The following TMSB15B variants were observed in gnomAD, a reference collection of about 807,000 sequenced individuals.
TMSB15B encodes the protein thymosin beta-15B.
At position 103,925,849 on chromosome X, in the gene TMSB15B, C is replaced by T. The variant is rs568496823; in HGVS notation, c.-721+6557C>T. On this transcript the variant is annotated intron_variant, in intron 1 of 3. Transcript: ENST00000419165. ...GCAGGGAGGAAGTGGAACATTATTG[C>T]GCTCTGAGGTAGAAGAGGGAACAAA... 2.7e-4 allele frequency among the ~76,000 whole-genome samples: 30 copies of T among 111,994 alleles called. No homozygotes were observed. The South Asian group carries it at 8.4e-3, about 31-fold the overall frequency.
At chrX:103,953,384 C>A (rs2075043651) in intron 1 of TMSB15B, among the ~76,000 whole-genome samples, 1 of 112,297 alleles carries the variant, frequency 8.9e-6, no homozygotes, top group Non-Finnish European at 1.9e-5. Context: ...GGATGTTAGA[C>A]CCCTGTACCT....
chrX:103,924,322 C>T (rs1489903568), intron 1 of TMSB15B, among the ~76,000 whole-genome samples: 1 of 111,385 alleles, frequency 9.0e-6, no homozygotes, highest in Admixed American at 9.5e-5. Context: ...GCCTATGTGC[C>T]TTAGGCTACT....
chrX:103,926,691 C>CA (rs1864294719), intron 1 of TMSB15B, among the ~76,000 whole-genome samples: 2 of 110,724 alleles, frequency 1.8e-5, no homozygotes, highest in Admixed American at 1.9e-4. Context: ...TCTACTCCTC[C>CA]ATGGGGACCT....
At chrX:103,942,949 A>T (rs2075016254) in intron 1 of TMSB15B, among the ~76,000 whole-genome samples, 1 of 111,840 alleles carries the variant, frequency 8.9e-6, no homozygotes, top group Admixed American at 9.5e-5. Context: ...TGACATATTC[A>T]GTATAACATA....
chrX:103,925,028 G>C (rs1301488712), intron 1 of TMSB15B, among the ~76,000 whole-genome samples: 2 of 112,278 alleles, frequency 1.8e-5, no homozygotes, highest in African/African-American at 6.5e-5. Flanking sequence ...GCTGTCCTGA[G>C]AGTGTCTGGA....
chrX:103,929,569 C>T (rs1419075126), intron 1 of TMSB15B, among the ~76,000 whole-genome samples: 4 of 111,795 alleles, frequency 3.6e-5, no homozygotes, highest in African/African-American at 6.5e-5. Context: ...GCTGGAAATC[C>T]TAAATTAGGC....
chrX:103,927,689 A>G (rs2074972522), intron 1 of TMSB15B, among the ~76,000 whole-genome samples: 1 of 104,787 alleles, frequency 9.5e-6, no homozygotes, highest in African/African-American at 3.5e-5. Flanking sequence ...TTGAAACAGA[A>G]TAGCAACTTA....
At chrX:103,931,673 G>A (rs1487602167) in intron 1 of TMSB15B, 2 of 112,310 alleles carry the variant, frequency 1.8e-5, no homozygotes, top group Non-Finnish European at 3.8e-5. Flanking sequence ...TTTGCTCTTC[G>A]ATCCTGTTTC....
At chrX:103,938,027 TGA>T (rs1229748765) in intron 1 of TMSB15B, among the ~76,000 whole-genome samples, 1 of 112,135 alleles carries the variant, frequency 8.9e-6, no homozygotes, top group Non-Finnish European at 1.9e-5. Context: ...CACTGTGGTC[TGA>T]GAGACGGTTT....
At chrX:103,934,157 C>T (rs1238232489) in intron 1 of TMSB15B, among the ~76,000 whole-genome samples, 1 of 110,898 alleles carries the variant, frequency 9.0e-6, no homozygotes. Flanking sequence ...GGACCCTTCC[C>T]AGCCTCTGTT....
chrX:103,940,663 T>A (rs1420031364), intron 1 of TMSB15B, among the ~76,000 whole-genome samples: 1 of 111,116 alleles, frequency 9.0e-6, no homozygotes, highest in Non-Finnish European at 1.9e-5. Context: ...TCCAGAAGAA[T>A]GAATGGTTCT....
chrX:103,935,843 GT>G (rs1165751386), intron 1 of TMSB15B, among the ~76,000 whole-genome samples: 192 of 80,175 alleles, frequency 2.4e-3, no homozygotes, highest in African/African-American at 6.0e-3. Flanking sequence ...CATAGGAGTT[GT>G]TTTTTTTTTT....
chrX:103,933,023 T>C (rs1556320203), intron 1 of TMSB15B: 1 of 111,811 alleles, frequency 8.9e-6, no homozygotes, highest in Non-Finnish European at 1.9e-5. Context: ...CAAGTTGAAA[T>C]AATAAATAAC....
intron 1 of TMSB15B, among the ~76,000 whole-genome samples, chrX:103,951,844 GA>G (rs2147826250): frequency 9.0e-6 from 1 of 111,529 alleles, no homozygotes; most frequent in East Asian, 2.8e-4. Flanking sequence ...TGGTGAGGTT[GA>G]AAGAAAATAG....
chrX:103,923,740 A>T (rs1218605368), intron 1 of TMSB15B, among the ~76,000 whole-genome samples: 1 of 111,676 alleles, frequency 9.0e-6, no homozygotes, highest in Non-Finnish European at 1.9e-5. Flanking sequence ...TTCTGTGAAG[A>T]AGGTCATTGG....
chrX:103,944,990 C>G, intron 1 of TMSB15B, among the ~76,000 whole-genome samples: 1 of 111,760 alleles, frequency 8.9e-6, no homozygotes, highest in Non-Finnish European at 1.9e-5. Flanking sequence ...GTTGCCCAGG[C>G]TGGTCTCGAA....
chrX:103,927,489 C>T (rs1406515432), intron 1 of TMSB15B, among the ~76,000 whole-genome samples: 1 of 111,778 alleles, frequency 8.9e-6, no homozygotes, highest in Non-Finnish European at 1.9e-5. Flanking sequence ...TTTCCCTTCC[C>T]CACTTGCTGG....
At chrX:103,921,701 GAGATAAAGCTTTC>G (rs2074953545) in intron 1 of TMSB15B, among the ~76,000 whole-genome samples, 1 of 112,274 alleles carries the variant, frequency 8.9e-6, no homozygotes, top group Admixed American at 9.4e-5. Flanking sequence ...TGAAGGTTTA[GAGATAAAGCTTTC>G]AGCTGAAACA....
Position 103,922,191 on chromosome X carries a change from A to AATTT in TMSB15B, c.-721+2916_-721+2919dup, listed in dbSNP as rs201913728. ...CTGCCCTATTATCTCATTTTTATTTAATTTATTTATTTATTTATTTTTTAT... is the reference window on the plus strand; with the variant it reads ...CTGCCCTATTATCTCATTTTTATTTAATTTATTTATTTATTTATTTATTTTTTAT... On this transcript the variant is annotated intron_variant, in intron 1 of 3. Coordinates refer to the TMSB15B transcript ENST00000419165. Among the ~76,000 whole-genome samples the AATTT allele has an allele frequency of 7.0e-3, 733 of 105,120 alleles. 7 individuals are homozygous for AATTT. The highest frequency in any genetic ancestry group is 0.025 in the African/African-American group (709 of 28,568). The allele number at this position is 105,120 out of a possible 115,157, so 91.3% of individuals were successfully genotyped here. A position where few individuals can be genotyped will look rare whatever the true frequency, so the allele number is the denominator to read the frequency against.
Sources: gnomAD v4.1 joint callset for allele counts (sites outside exome capture counted in the v4.1 genomes callset) on GRCh38, gnomAD v4.1.1 for gene constraint, MANE v1.5 for transcripts, NCBI Gene and HGNC (gene_info 2026-07-23, HGNC 2026-07-21) for gene names.